Variants in PCDHA1 observed in about 807,000 individuals in gnomAD.
PCDHA1 encodes the protein protocadherin alpha 1.
Under a neutral mutation model 61.3 loss-of-function variants are expected in PCDHA1, and 42 were observed. The observed-to-expected ratio is 0.69, with a 90% CI of 0.54 to 0.89. PCDHA1 has a LOEUF of 0.89. PCDHA1 is among the 40% of genes least tolerant of loss of function. The pLI, the probability that PCDHA1 is intolerant of heterozygous loss-of-function variation, is 0.00. For synonymous variants in PCDHA1, 610 were observed against 553.8 expected (o/e 1.10, Z -1.43); for missense variants, 1,256 against 1,235.3 (o/e 1.02, Z -0.25).
At chr5:140,927,193 C>G in intron 1 of PCDHA1, 1 of 1,614,186 alleles carries the variant, frequency 6.2e-7, no homozygotes, top group South Asian at 1.1e-5. Context: ...CGACCTGGTG[C>G]TCGAGGACCC....
Position 140,856,043 on chromosome 5 carries a change from G to A in PCDHA1, c.2394+67359G>A. On this transcript the variant is annotated intron_variant, in intron 1 of 3. Coordinates refer to ENST00000504120, the MANE Select transcript of PCDHA1 (RefSeq NM_018900.4). The stretch of plus-strand genomic sequence containing the variant: ...TCGTCGATTTGTAAAACAAGAGAAG[G>A]ATAAGATGGTTTCCAGATGTAGCTG... The A allele has an allele frequency of 3.8e-6, 6 of 1,581,380 alleles. 1 individual carries two copies. The highest frequency in any genetic ancestry group is 5.2e-6 in the Non-Finnish European group (6 of 1,157,972).
Position 140,923,348 on chromosome 5 carries a change from G to A in PCDHA1, c.2395-55601G>A, listed in dbSNP as rs376610944. Among the ~76,000 whole-genome samples the A allele has an allele frequency of 2.6e-3, 395 of 152,192 alleles. 2 individuals are homozygous for A. Among genetic ancestry groups the A allele is most frequent in the African/African-American group, 9.2e-3 (384 of 41,538 alleles). ...CAAGGACAGTTTGGGCAACATAGTG[G>A]GACCCTATCTTTATAAAATATTTTT... is the stretch of plus-strand genomic sequence containing the variant. On this transcript the variant is annotated intron_variant, in intron 1 of 3. Coordinates refer to ENST00000504120, the MANE Select transcript of PCDHA1 (RefSeq NM_018900.4).
chr5:140,985,039 G>A lies in PCDHA1; in HGVS notation c.2542+2476G>A, dbSNP rs112093918. Among the ~76,000 whole-genome samples the A allele has an allele frequency of 5.2e-3, 789 of 152,178 alleles. 6 individuals carry two copies. Among genetic ancestry groups the A allele is most frequent in the African/African-American group, 0.018 (750 of 41,516 alleles). ...AGCAACCTCTGCCTCCTGGGTTCAA[G>A]TGATTCTCCTGCCTCAGCCTCCTGA... On this transcript the variant is annotated intron_variant, in intron 3 of 3. Transcript: ENST00000504120.
chr5:140,893,198 C>T (rs1242904411), intron 1 of PCDHA1, among the ~76,000 whole-genome samples: 2 of 152,164 alleles, frequency 1.3e-5, no homozygotes, highest in Admixed American at 6.5e-5. Flanking sequence ...AATAGTGCTG[C>T]AGTAAGTATG....
chr5:140,988,673 A>G (rs2153876025), intron 3 of PCDHA1, among the ~76,000 whole-genome samples: 1 of 152,344 alleles, frequency 6.6e-6, no homozygotes, highest in South Asian at 2.1e-4. Context: ...AGACTCTAAG[A>G]TAATTCTTTC....
chr5:140,985,007 G>A (rs1349447884), intron 3 of PCDHA1, among the ~76,000 whole-genome samples: 2 of 151,706 alleles, frequency 1.3e-5, no homozygotes, highest in African/African-American at 4.8e-5. Flanking sequence ...GCACGATATC[G>A]GCTCACAGCA....
At chr5:140,987,681 G>A (rs1554249426) in intron 3 of PCDHA1, among the ~76,000 whole-genome samples, 2 of 152,184 alleles carry the variant, frequency 1.3e-5, no homozygotes, top group Non-Finnish European at 2.9e-5. Context: ...TTAGTAAATA[G>A]TAGCTATTTT....
At chr5:140,875,467 T>G in intron 1 of PCDHA1, 2 of 1,600,082 alleles carry the variant, frequency 1.2e-6, no homozygotes, top group Non-Finnish European at 1.7e-6. Flanking sequence ...GCCCTCATTT[T>G]CTGCAATGGT....
intron 1 of PCDHA1, among the ~76,000 whole-genome samples, chr5:140,896,536 C>CT (rs34213614): frequency 0.32 from 46,252 of 145,528 alleles, 7,425 homozygotes; most frequent in East Asian, 0.53. Flanking sequence ...AGCTATTTTT[C>CT]TTTTTTTTTT....
At chr5:140,856,225 G>A (rs1554148421) in intron 1 of PCDHA1, 1 of 1,598,066 alleles carries the variant, frequency 6.3e-7, no homozygotes, top group Non-Finnish European at 8.6e-7. Context: ...CGGAGCTGGT[G>A]CAGCGCCTGT....
At chr5:140,790,325 G>C (rs1761580278) in intron 1 of PCDHA1, among the ~76,000 whole-genome samples, 1 of 152,158 alleles carries the variant, frequency 6.6e-6, no homozygotes, top group Non-Finnish European at 1.5e-5. Flanking sequence ...GTTTGCTTCT[G>C]AAGTTACTTA....
intron 1 of PCDHA1, among the ~76,000 whole-genome samples, chr5:140,916,856 G>C (rs529499839): frequency 2.6e-5 from 4 of 152,254 alleles, no homozygotes; most frequent in South Asian, 2.1e-4. Flanking sequence ...CCAGCACTAG[G>C]AGTTACCTAG....
Position 140,876,936 on chromosome 5 carries a change from G to C in PCDHA1, c.2394+88252G>C, listed in dbSNP as rs567563243. On this transcript the variant is annotated intron_variant, in intron 1 of 3. Transcript: ENST00000504120. ...GGGACGCGGACGCGCAGAAGAACGCGCTGGTGTCCTACTCGCTGGTGGAGC... is the reference window on the plus strand; with the variant it reads ...GGGACGCGGACGCGCAGAAGAACGCCCTGGTGTCCTACTCGCTGGTGGAGC... 190 of 1,613,730 alleles carry C rather than the reference G, an allele frequency of 1.2e-4. 1 individual carries two copies. The highest frequency in any genetic ancestry group is 1.5e-4 in the South Asian group (14 of 91,062).
chr5:140,848,711 G>A (rs2150418509), intron 1 of PCDHA1: 14 of 1,592,432 alleles, frequency 8.8e-6, no homozygotes, highest in Non-Finnish European at 1.2e-5. Flanking sequence ...AAGGCCGCGG[G>A]GACCTTCTGG....
At chr5:140,801,381 C>T in intron 1 of PCDHA1, 1 of 1,613,546 alleles carries the variant, frequency 6.2e-7, no homozygotes, top group African/African-American at 1.3e-5. Context: ...GCTGGTGCCG[C>T]GCCTGTTCCG....
chr5:140,836,890 G>A (rs1554136343), intron 1 of PCDHA1: 1 of 634,180 alleles, frequency 1.6e-6, no homozygotes, highest in East Asian at 2.9e-5. Flanking sequence ...TAATTATTTG[G>A]AAGTACGTTT....
At chr5:140,903,500 G>A (rs553764100) in intron 1 of PCDHA1, among the ~76,000 whole-genome samples, 1 of 152,184 alleles carries the variant, frequency 6.6e-6, no homozygotes, top group African/African-American at 2.4e-5. Flanking sequence ...AGGTACCATA[G>A]ATAATAGTTC....
At chr5:140,927,973 C>G (rs77078209) in intron 1 of PCDHA1, 1 of 1,614,216 alleles carries the variant, frequency 6.2e-7, no homozygotes, top group Non-Finnish European at 8.5e-7. Context: ...AGTGATTGCT[C>G]TCTTTAGTGT....
intron 1 of PCDHA1, chr5:140,817,062 T>A (rs1766058413): frequency 6.6e-6 from 1 of 152,202 alleles, no homozygotes; most frequent in Non-Finnish European, 1.5e-5. Flanking sequence ...GTGTGCTGTA[T>A]CACAGGTCCT....
Sources: gnomAD v4.1 joint callset for allele counts (sites outside exome capture counted in the v4.1 genomes callset) on GRCh38, gnomAD v4.1.1 for gene constraint, MANE v1.5 for transcripts, NCBI Gene and HGNC (gene_info 2026-07-23, HGNC 2026-07-21) for gene names.